Variants in SNTG2 observed in about 807,000 individuals in gnomAD.
The protein encoded by SNTG2 is gamma-2-syntrophin.
In SNTG2, 74 loss-of-function variants were observed where a neutral mutation model predicts 70.9. That is an observed-to-expected ratio of 1.04 (90% CI 0.86 to 1.27). SNTG2 has a LOEUF of 1.27. SNTG2 is among the 50% of genes most tolerant of loss of function. SNTG2 has a pLI of 0.00. For synonymous variants in SNTG2, 278 were observed against 273.8 expected (o/e 1.02, Z -0.15); for missense variants, 717 against 690.7 (o/e 1.04, Z -0.43).
intron 1 of SNTG2, among the ~76,000 whole-genome samples, chr2:1,006,693 T>TA (rs1659583053): frequency 6.6e-6 from 1 of 152,170 alleles, no homozygotes; most frequent in African/African-American, 2.4e-5. Context: ...TTATGGCATT[T>TA]ACATTGTGGT....
At chr2:1,203,671 A>ATATAT (rs1553355231) in intron 8 of SNTG2, among the ~76,000 whole-genome samples, 7 of 67,078 alleles carry the variant, frequency 1.0e-4, no homozygotes, top group East Asian at 1.1e-3. Context: ...AACAAAAAAA[A>ATATAT]AAATATATAT....
chr2:970,765 G>A (rs1397035654), intron 1 of SNTG2, among the ~76,000 whole-genome samples: 1 of 151,374 alleles, frequency 6.6e-6, no homozygotes, highest in East Asian at 1.9e-4. Flanking sequence ...ATGATTTATA[G>A]TCCTTTGGGT....
chr2:1,054,128 T>A (rs1662240772), intron 1 of SNTG2, among the ~76,000 whole-genome samples: 1 of 152,176 alleles, frequency 6.6e-6, no homozygotes, highest in African/African-American at 2.4e-5. Context: ...TGCGGACCCG[T>A]GTCATTGCCA....
At chr2:975,901 G>C (rs1001929992) in intron 1 of SNTG2, among the ~76,000 whole-genome samples, 1 of 152,154 alleles carries the variant, frequency 6.6e-6, no homozygotes, top group African/African-American at 2.4e-5. Flanking sequence ...AAAATCTTCT[G>C]ATACTGGACA....
Position 1,133,669 on chromosome 2 carries a change from GATTTT to G in SNTG2, c.326-3945_326-3941del, listed in dbSNP as rs1250994882. 3.4e-5 allele frequency among the ~76,000 whole-genome samples: 5 copies of G among 149,192 alleles called. No homozygotes were observed. In the East Asian group the frequency reaches 8.0e-4, roughly 24 times the overall value. ...TTTCGAATTAAAATCAAGCTTTCAT[GATTTT>G]ATTTTATCACCCATTTTACCACTTT... On this transcript the variant is annotated intron_variant, in intron 4 of 16. Transcript: ENST00000308624.
rs570199716 is a variant in SNTG2, at chr2:1,102,031, A to G, written c.325+3621A>G. On this transcript the variant is annotated intron_variant, in intron 4 of 16. Coordinates refer to ENST00000308624, the MANE Select transcript of SNTG2 (RefSeq NM_018968.4). ...CATATTTAATAAACAACTTCTACAG[A>G]TAAGACGCTTCTCGGGCCATCCGCA... 7.2e-5 allele frequency among the ~76,000 whole-genome samples: 11 copies of G among 152,352 alleles called. No homozygotes were observed. The South Asian group carries it at 2.3e-3, about 32-fold the overall frequency.
intron 1 of SNTG2, among the ~76,000 whole-genome samples, chr2:988,900 C>T (rs780112465): frequency 2.3e-4 from 35 of 152,116 alleles, no homozygotes; most frequent in Non-Finnish European, 3.8e-4. Flanking sequence ...ATTTAGATCT[C>T]CTTTGAATTC....
rs1258705807 is a variant in SNTG2, at chr2:1,002,332, G to C, written c.72+51264G>C. Among the ~76,000 whole-genome samples, 4 of 151,992 alleles carry C rather than the reference G, an allele frequency of 2.6e-5. No individual in the cohort carries two copies. In the East Asian group the frequency reaches 7.8e-4, roughly 29 times the overall value. On this transcript the variant is annotated intron_variant, in intron 1 of 16. Coordinates refer to ENST00000308624, the MANE Select transcript of SNTG2 (RefSeq NM_018968.4). ...GTGAACAGACAACTTATAGAATGGGGGAAAATATTTGCAAACTGCATTTAG... is the reference window on the plus strand; with the variant it reads ...GTGAACAGACAACTTATAGAATGGGCGAAAATATTTGCAAACTGCATTTAG...
At chr2:1,244,271 G>C (rs556312369) in intron 11 of SNTG2, among the ~76,000 whole-genome samples, 2 of 152,076 alleles carry the variant, frequency 1.3e-5, no homozygotes, top group Non-Finnish European at 2.9e-5. Context: ...TTTTTGTTTC[G>C]TTCTTTTTTC....
At chr2:1,225,225 C>T (rs1340241774) in intron 9 of SNTG2, among the ~76,000 whole-genome samples, 1 of 152,140 alleles carries the variant, frequency 6.6e-6, no homozygotes, top group Non-Finnish European at 1.5e-5. Flanking sequence ...ATTGTGAGGG[C>T]TAAAACCACT....
At chr2:1,249,236 G>A (rs1572860165) in intron 12 of SNTG2, among the ~76,000 whole-genome samples, 1 of 152,224 alleles carries the variant, frequency 6.6e-6, no homozygotes, top group East Asian at 1.9e-4. Context: ...TTTTATCATG[G>A]AGACCTATTG....
chr2:955,974 CCTGCATCTGCAT>C (rs941760030), intron 1 of SNTG2, among the ~76,000 whole-genome samples: 4 of 126,794 alleles, frequency 3.2e-5, no homozygotes, highest in South Asian at 4.6e-4. Flanking sequence ...TGCCCCTGCC[CCTGCATCTGCAT>C]CTGCATCTGC....
intron 14 of SNTG2, among the ~76,000 whole-genome samples, chr2:1,307,369 G>GTA (rs1285562644): frequency 6.7e-5 from 10 of 149,584 alleles, no homozygotes; most frequent in Non-Finnish European, 1.3e-4. Flanking sequence ...ATGTGTGTGT[G>GTA]TATATATGGT....
At chr2:1,233,197 C>T (rs1676377619) in intron 9 of SNTG2, among the ~76,000 whole-genome samples, 1 of 152,136 alleles carries the variant, frequency 6.6e-6, no homozygotes, top group South Asian at 2.1e-4. Flanking sequence ...ATTAAGAATT[C>T]TCAGTTTTTA....
intron 9 of SNTG2, among the ~76,000 whole-genome samples, chr2:1,234,230 C>T (rs1266875322): frequency 6.6e-6 from 1 of 152,120 alleles, no homozygotes; most frequent in African/African-American, 2.4e-5. Flanking sequence ...TGCCTGAAAG[C>T]AGATTGCGTG....
intron 6 of SNTG2, among the ~76,000 whole-genome samples, chr2:1,149,882 G>GT (rs35166556): frequency 0.12 from 18,124 of 151,066 alleles, 1,666 homozygotes; most frequent in East Asian, 0.43. Flanking sequence ...TAGAGACGGG[G>GT]TTTCACCATG....
chr2:1,018,722 G>A (rs1659992340), intron 1 of SNTG2, among the ~76,000 whole-genome samples: 1 of 152,066 alleles, frequency 6.6e-6, no homozygotes, highest in South Asian at 2.1e-4. Flanking sequence ...GCATGCTCAA[G>A]TGGCTGGCAA....
chr2:1,237,743 G>C, intron 9 of SNTG2, 145 bp from the exon 10 acceptor site: 1 of 1,010,452 alleles, frequency 9.9e-7, no homozygotes, highest in South Asian at 1.8e-5. Flanking sequence ...CCTGCTGACT[G>C]TACTGAGGCG....
At chr2:956,721 C>A (rs191706186) in intron 1 of SNTG2, among the ~76,000 whole-genome samples, 85 of 152,370 alleles carry the variant, frequency 5.6e-4, no homozygotes, top group Middle Eastern at 3.4e-3. Flanking sequence ...CGGTTCTGCC[C>A]TGCTGCGTGG....
Sources: gnomAD v4.1 joint callset for allele counts (sites outside exome capture counted in the v4.1 genomes callset) on GRCh38, gnomAD v4.1.1 for gene constraint, MANE v1.5 for transcripts, NCBI Gene and HGNC (gene_info 2026-07-23, HGNC 2026-07-21) for gene names.